CFAP299: variants seen among roughly 807,000 people sequenced by gnomAD.
The protein encoded by CFAP299 is cilia- and flagella-associated protein 299.
CFAP299 carries 21 observed loss-of-function variants against 27.0 expected under a neutral mutation model. That is an observed-to-expected ratio of 0.78 (90% CI 0.55 to 1.12). CFAP299 has a LOEUF of 1.12. Ranked by LOEUF, CFAP299 falls within the 50% of genes most tolerant of loss-of-function variation. CFAP299 has a pLI of 0.00. For synonymous variants in CFAP299, 104 were observed against 98.1 expected (o/e 1.06, Z -0.36); for missense variants, 310 against 276.6 (o/e 1.12, Z -0.86).
In CFAP299 at chr4:80,795,587, G is replaced by A. The variant is rs561868746; in HGVS notation, c.334-74406G>A. ...GGGGAGAGAAGGCAGAGTGGCAGGA[G>A]TGGAGACCGTGGGCATTTGAGCCAC... On this transcript the variant is annotated intron_variant, in intron 3 of 5. Transcript: ENST00000358105. 4.2e-3 allele frequency among the ~76,000 whole-genome samples: 634 copies of A among 152,296 alleles called. 3 individuals are homozygous for A. Among genetic ancestry groups the A allele is most frequent in the Non-Finnish European group, 7.9e-3 (538 of 68,018 alleles).
chr4:80,606,963 C>G (rs1032790487), intron 3 of CFAP299, among the ~76,000 whole-genome samples: 2 of 152,030 alleles, frequency 1.3e-5, no homozygotes, highest in Non-Finnish European at 2.9e-5. Context: ...CATCATTTGA[C>G]TTTTCTTGTC....
At chr4:80,878,776 C>T (rs1733544499) in intron 4 of CFAP299, among the ~76,000 whole-genome samples, 1 of 152,178 alleles carries the variant, frequency 6.6e-6, no homozygotes, top group South Asian at 2.1e-4. Flanking sequence ...GTAAGTGGAG[C>T]TTGCAGGAAT....
At chr4:80,843,850 C>T (rs527243517) in intron 3 of CFAP299, among the ~76,000 whole-genome samples, 38 of 151,944 alleles carry the variant, frequency 2.5e-4, no homozygotes, top group Non-Finnish European at 3.4e-4. Context: ...CATGTTGGTG[C>T]GCCGCACCCA....
At chr4:80,634,136 C>T (rs146403845) in intron 3 of CFAP299, among the ~76,000 whole-genome samples, 1,698 of 152,002 alleles carry the variant, frequency 0.011, 33 homozygotes, top group African/African-American at 0.036. Flanking sequence ...GTGTGCACCA[C>T]CACGCCCAGC....
the CFAP299 span, among the ~76,000 whole-genome samples, chr4:80,327,718 AT>A: frequency 7.3e-6 from 1 of 137,300 alleles, no homozygotes; most frequent in South Asian, 2.4e-4. Flanking sequence ...ATATATATAT[AT>A]ATAACTTCAA....
At chr4:80,562,694 A>G (rs1165340742) in intron 2 of CFAP299, among the ~76,000 whole-genome samples, 2 of 145,708 alleles carry the variant, frequency 1.4e-5, no homozygotes, top group African/African-American at 5.2e-5. Flanking sequence ...TAATAATAAT[A>G]ACAACAACAA....
rs572610587 is a variant in CFAP299, at chr4:80,659,265, G to A, written c.333+76082G>A. Among the ~76,000 whole-genome samples the A allele has an allele frequency of 4.0e-5, 6 of 151,772 alleles. No individual in the cohort carries two copies. In the South Asian group the frequency reaches 1.0e-3, roughly 26 times the overall value. ...AAATTATTCAACAAAATACAAAAGT[G>A]CAAACTGCAGAGGTAAAGTTTAAAA... On this transcript the variant is annotated intron_variant, in intron 3 of 5. Coordinates refer to ENST00000358105, the MANE Select transcript of CFAP299 (RefSeq NM_152770.3).
chr4:80,686,416 T>G (rs1437280937), intron 3 of CFAP299, among the ~76,000 whole-genome samples: 2 of 152,226 alleles, frequency 1.3e-5, no homozygotes, highest in Non-Finnish European at 2.9e-5. Flanking sequence ...TTTTGCCTCT[T>G]TTTTGAGGCT....
At chr4:80,727,960 T>C (rs1578065031) in intron 3 of CFAP299, among the ~76,000 whole-genome samples, 1 of 151,890 alleles carries the variant, frequency 6.6e-6, no homozygotes, top group East Asian at 1.9e-4. Flanking sequence ...TAAATTAAAA[T>C]TGAGATTCAA....
At chr4:80,540,855 T>G (rs887362629) in intron 2 of CFAP299, among the ~76,000 whole-genome samples, 1 of 152,214 alleles carries the variant, frequency 6.6e-6, no homozygotes, top group Non-Finnish European at 1.5e-5. Flanking sequence ...ATAACAAACC[T>G]TTGTAGTGAT....
chr4:80,869,454 G>T (rs1732944756), intron 3 of CFAP299, among the ~76,000 whole-genome samples: 2 of 152,114 alleles, frequency 1.3e-5, no homozygotes, highest in Non-Finnish European at 2.9e-5. Context: ...ACAACTAATT[G>T]TTAATTGTAT....
intron 2 of CFAP299, chr4:80,386,108 T>C: frequency 2.1e-6 from 1 of 467,594 alleles, no homozygotes; most frequent in East Asian, 3.1e-5. Flanking sequence ...GGATCTCCAG[T>C]CTGCCCCCAG....
chr4:80,536,275 G>A (rs1024751993), intron 2 of CFAP299, among the ~76,000 whole-genome samples: 6 of 152,116 alleles, frequency 3.9e-5, no homozygotes, highest in African/African-American at 1.4e-4. Flanking sequence ...TTTCAAGAAA[G>A]TCACTAAGTG....
intron 3 of CFAP299, among the ~76,000 whole-genome samples, chr4:80,619,304 G>T (rs1486024): frequency 0.016 from 2,390 of 152,230 alleles, 140 homozygotes; most frequent in Admixed American, 0.12. Context: ...CCTGTCCAAG[G>T]TGCAGTCATA....
At chr4:80,472,551 G>T (rs1230662535) in intron 2 of CFAP299, among the ~76,000 whole-genome samples, 1 of 152,160 alleles carries the variant, frequency 6.6e-6, no homozygotes, top group Non-Finnish European at 1.5e-5. Context: ...CTTCAACAGG[G>T]ATAACACCAT....
intron 3 of CFAP299, among the ~76,000 whole-genome samples, chr4:80,602,366 A>G (rs1456411178): frequency 6.6e-6 from 1 of 152,178 alleles, no homozygotes; most frequent in African/African-American, 2.4e-5. Context: ...TCGTGGCTCT[A>G]ACATAAGAAA....
intron 3 of CFAP299, among the ~76,000 whole-genome samples, chr4:80,721,923 G>A (rs1722840875): frequency 6.6e-6 from 1 of 152,076 alleles, no homozygotes. Flanking sequence ...AAATACTTCA[G>A]CATACCTGCA....
Position 80,504,505 on chromosome 4 carries a change from A to T in CFAP299, c.243-78588A>T, listed in dbSNP as rs531164000. Among the ~76,000 whole-genome samples the T allele has an allele frequency of 2.3e-3, 256 of 110,120 alleles. 1 individual carries two copies. Among genetic ancestry groups the T allele is most frequent in the South Asian group, 4.1e-3 (14 of 3,416 alleles). 72.2% of individuals were successfully genotyped at this position (110,120 alleles called of 152,430 possible). A position where few individuals can be genotyped will look rare whatever the true frequency, so the allele number is the denominator to read the frequency against. ...TATATATATATATATATATATATAT[A>T]TTTTCCTTTGAAAGAATGCAATGAA... is the stretch of plus-strand genomic sequence containing the variant. On this transcript the variant is annotated intron_variant, in intron 2 of 5. Coordinates refer to ENST00000358105, the MANE Select transcript of CFAP299 (RefSeq NM_152770.3).
intron 2 of CFAP299, among the ~76,000 whole-genome samples, chr4:80,472,349 T>A (rs1027903968): frequency 6.6e-6 from 1 of 152,176 alleles, no homozygotes; most frequent in Non-Finnish European, 1.5e-5. Context: ...ACAATTGCAA[T>A]GGCAGTTAAT....
Sources: allele counts gnomAD v4.1 joint callset (sites outside exome capture counted in the v4.1 genomes callset), GRCh38; gene constraint gnomAD v4.1.1; transcripts MANE v1.5; gene names NCBI Gene and HGNC (gene_info 2026-07-23, HGNC 2026-07-21).